SNTG1: variants seen among roughly 807,000 people sequenced by gnomAD.
SNTG1 encodes gamma-1-syntrophin.
A neutral mutation model predicts 74.7 loss-of-function variants in SNTG1; 39 were observed. The ratio of observed to expected loss-of-function variants is 0.52; its 90% CI spans 0.40 to 0.68. SNTG1 has a LOEUF of 0.68. Among genes scored for constraint, SNTG1 ranks in the 30% least tolerant of loss-of-function variants. SNTG1 has a pLI of 0.00. For synonymous variants in SNTG1, 254 were observed against 217.1 expected, an observed-to-expected ratio of 1.17 and a Z score of -1.49; for missense variants, 685 against 609.5, an observed-to-expected ratio of 1.12 and a Z score of -1.30.
intron 2 of SNTG1, among the ~76,000 whole-genome samples, chr8:50,321,811 T>C (rs1410119517): frequency 6.6e-6 from 1 of 152,122 alleles, no homozygotes; most frequent in Non-Finnish European, 1.5e-5. Flanking sequence ...AAAACTAATA[T>C]AAACTGTACA....
intron 1 of SNTG1, among the ~76,000 whole-genome samples, chr8:49,929,236 T>C (rs1332163747): frequency 6.6e-6 from 1 of 152,178 alleles, no homozygotes; most frequent in East Asian, 1.9e-4. Context: ...AAAATATAAT[T>C]CATTGGAGAG....
At chr8:50,191,771 C>A (rs181947541) in intron 2 of SNTG1, among the ~76,000 whole-genome samples, 132 of 152,054 alleles carry the variant, frequency 8.7e-4, no homozygotes, top group Non-Finnish European at 1.6e-3. Context: ...TGTTCCCCTC[C>A]CTGTATCCAT....
chr8:50,101,626 T>C (rs541079998), intron 1 of SNTG1, among the ~76,000 whole-genome samples: 208 of 152,226 alleles, frequency 1.4e-3, no homozygotes, highest in African/African-American at 4.7e-3. Flanking sequence ...GTTACATATG[T>C]ATACATGTGC....
intron 2 of SNTG1, among the ~76,000 whole-genome samples, chr8:50,306,860 CT>C (rs2089919908): frequency 6.6e-6 from 1 of 151,572 alleles, no homozygotes; most frequent in Non-Finnish European, 1.5e-5. Flanking sequence ...ATGATTATTT[CT>C]TTTGCCATGC....
At chr8:50,074,568 AT>A (rs1270556373) in intron 1 of SNTG1, among the ~76,000 whole-genome samples, 1 of 152,252 alleles carries the variant, frequency 6.6e-6, no homozygotes, top group Non-Finnish European at 1.5e-5. Context: ...GAAGTTGTAT[AT>A]GGTCGTGATT....
At chr8:50,661,284 G>C (rs912487943) in intron 15 of SNTG1, among the ~76,000 whole-genome samples, 11 of 152,144 alleles carry the variant, frequency 7.2e-5, no homozygotes, top group Non-Finnish European at 1.0e-4. Context: ...TATTTGCTCA[G>C]ACTTTTATGC....
At chr8:50,704,285 T>C (rs2095436056) in intron 15 of SNTG1, among the ~76,000 whole-genome samples, 2 of 152,196 alleles carry the variant, frequency 1.3e-5, no homozygotes, top group Non-Finnish European at 2.9e-5. Context: ...AGGGAAGAGA[T>C]AGTGTGTCAC....
intron 17 of SNTG1, among the ~76,000 whole-genome samples, chr8:50,721,713 CT>C (rs2095488067): frequency 6.6e-6 from 1 of 152,124 alleles, no homozygotes; most frequent in South Asian, 2.1e-4. Flanking sequence ...GTGATTTCTA[CT>C]TCTTAGCTAT....
intron 16 of SNTG1, chr8:50,708,531 T>C (rs1021114268): frequency 5.2e-6 from 1 of 192,308 alleles, no homozygotes; most frequent in Non-Finnish European, 1.0e-5. Context: ...TTGGCTACAG[T>C]AAATAACAAC....
At chr8:50,228,543 C>T (rs1296631599) in intron 2 of SNTG1, among the ~76,000 whole-genome samples, 2 of 151,794 alleles carry the variant, frequency 1.3e-5, no homozygotes, top group African/African-American at 4.8e-5. Flanking sequence ...GAAAAAACTT[C>T]TTAAATATGG....
chr8:50,385,197 C>A (rs139908744), intron 2 of SNTG1, among the ~76,000 whole-genome samples: 1 of 152,150 alleles, frequency 6.6e-6, no homozygotes, highest in Non-Finnish European at 1.5e-5. Flanking sequence ...CTGGACCTGA[C>A]GCAGAATCTT....
chr8:50,565,068 G>T (rs1469023219), intron 12 of SNTG1, among the ~76,000 whole-genome samples: 1 of 151,874 alleles, frequency 6.6e-6, no homozygotes, highest in Non-Finnish European at 1.5e-5. Context: ...TGTGATTTTC[G>T]TCCCCAAATC....
intron 2 of SNTG1, among the ~76,000 whole-genome samples, chr8:50,307,657 A>G (rs1157796003): frequency 6.6e-6 from 1 of 152,102 alleles, no homozygotes; most frequent in Non-Finnish European, 1.5e-5. Context: ...ATTTTGAAAC[A>G]TTAGGTCATA....
chr8:50,404,516 T>TAA (rs1218067856), intron 4 of SNTG1, among the ~76,000 whole-genome samples: 1 of 152,004 alleles, frequency 6.6e-6, no homozygotes, highest in African/African-American at 2.4e-5. Flanking sequence ...GCGCTTACTA[T>TAA]AAGATTCTAA....
chr8:50,108,724 G>C (rs1285431825), intron 1 of SNTG1, among the ~76,000 whole-genome samples: 1 of 152,096 alleles, frequency 6.6e-6, no homozygotes, highest in African/African-American at 2.4e-5. Context: ...ACTATGTCCA[G>C]CTCCTTTGCT....
At chr8:50,025,714 GAT>G (rs1817208123) in intron 1 of SNTG1, among the ~76,000 whole-genome samples, 1 of 152,106 alleles carries the variant, frequency 6.6e-6, no homozygotes, top group Admixed American at 6.6e-5. Context: ...AAAAAGTGTG[GAT>G]ATCTCAGTAA....
intron 9 of SNTG1, among the ~76,000 whole-genome samples, chr8:50,520,050 G>A (rs762170046): frequency 2.0e-5 from 3 of 152,122 alleles, no homozygotes; most frequent in African/African-American, 7.2e-5. Context: ...ATACTACAAG[G>A]CTGCAGTAAC....
At chr8:50,245,801 A>G (rs1433736275) in intron 2 of SNTG1, among the ~76,000 whole-genome samples, 1 of 152,130 alleles carries the variant, frequency 6.6e-6, no homozygotes, top group East Asian at 1.9e-4. Flanking sequence ...ACTTTCTTAT[A>G]TGTCAGTCGT....
At chr8:50,707,051 G>T (rs78528602) in intron 16 of SNTG1, among the ~76,000 whole-genome samples, 1,865 of 151,758 alleles carry the variant, frequency 0.012, 25 homozygotes, top group Non-Finnish European at 0.02. Context: ...TTAACTATAC[G>T]CATGATATGC....
Sources: allele counts gnomAD v4.1 joint callset (sites outside exome capture counted in the v4.1 genomes callset), GRCh38; gene constraint gnomAD v4.1.1; transcripts MANE v1.5; gene names NCBI Gene and HGNC (gene_info 2026-07-23, HGNC 2026-07-21).